Variants in WDR31 observed in about 807,000 individuals in gnomAD.
WDR31 encodes the protein WD repeat domain 31.
In WDR31, 30 loss-of-function variants were observed where a neutral mutation model predicts 47.3. The observed-to-expected ratio is 0.63, with a 90% CI of 0.47 to 0.86. The LOEUF (loss-of-function observed/expected upper bound fraction) is 0.86. WDR31 is among the 40% of genes least tolerant of loss of function. The pLI, the probability that WDR31 is intolerant of heterozygous loss-of-function variation, is 0.00. For missense variants in WDR31, 406 were observed against 442.9 expected (o/e 0.92, Z 0.75); for synonymous variants, 137 against 159.4 (o/e 0.86, Z 1.06).
chr9:113,337,755 C>T (rs1051271354), intron 1 of WDR31, among the ~76,000 whole-genome samples: 2 of 152,076 alleles, frequency 1.3e-5, no homozygotes, highest in Admixed American at 6.6e-5. Flanking sequence ...CATGAGCCAC[C>T]GTGCCCAGCC....
rs144390805 is a variant in WDR31 at position 113,329,771 on chromosome 9, C to T, written c.250-816G>A. Among the ~76,000 whole-genome samples the T allele has an allele frequency of 7.2e-3, 1,076 of 149,502 alleles. 90 individuals are homozygous for T. In the East Asian group the frequency reaches 0.19, roughly 27 times the overall value. On this transcript the variant is annotated intron_variant, in intron 4 of 10. Coordinates refer to ENST00000374193, the MANE Select transcript of WDR31 (RefSeq NM_001012361.4). ...GGCGGATCACCTGAGGTCGGGAGTT[C>T]GAGAGCAGCCTGACCAACATGGAGA... is the stretch of plus-strand genomic sequence containing the variant.
intron 5 of WDR31, among the ~76,000 whole-genome samples, chr9:113,327,310 C>A (rs1323807006): frequency 1.3e-5 from 2 of 152,124 alleles, no homozygotes. Context: ...GGCATATAGG[C>A]CTCACTTTGG....
chr9:113,329,364 G>T (rs1466182475), intron 4 of WDR31, among the ~76,000 whole-genome samples: 2 of 151,992 alleles, frequency 1.3e-5, no homozygotes, highest in Non-Finnish European at 2.9e-5. Flanking sequence ...TTTCAAGCTG[G>T]GCGCAGTGGC....
chr9:113,317,444 C>T (rs1055386690), intron 10 of WDR31, among the ~76,000 whole-genome samples: 18 of 152,222 alleles, frequency 1.2e-4, no homozygotes, highest in African/African-American at 4.1e-4. Flanking sequence ...GTCAACATTT[C>T]CAGATCTCGT....
chr9:113,322,687 G>A (rs1366300450), intron 7 of WDR31, 124 bp downstream of exon 7: 8 of 862,276 alleles, frequency 9.3e-6, no homozygotes, highest in Non-Finnish European at 1.4e-5. Flanking sequence ...AGCAGGTTAG[G>A]GGACAGCAAT....
At chr9:113,336,627 T>A (rs1374788604) in intron 1 of WDR31, among the ~76,000 whole-genome samples, 187 bp from the exon 2 acceptor site, 3 of 152,248 alleles carry the variant, frequency 2.0e-5, no homozygotes, top group African/African-American at 7.2e-5. Context: ...AAAATATATT[T>A]AAATACATTG....
intron 5 of WDR31, among the ~76,000 whole-genome samples, chr9:113,328,211 C>T (rs1406974237): frequency 6.6e-6 from 1 of 152,150 alleles, no homozygotes; most frequent in Admixed American, 6.5e-5. Context: ...CTGCACTCTG[C>T]CAAATATCTG....
chr9:113,324,389 C>CTTTTTTTTTTTT (rs536508042), intron 5 of WDR31, among the ~76,000 whole-genome samples: 24 of 129,100 alleles, frequency 1.9e-4, no homozygotes, highest in African/African-American at 7.2e-4. Flanking sequence ...AATTTCATTC[C>CTTTTTTTTTTTT]TTTTTTTTTT....
chr9:113,322,132 A>C (rs1833338124), intron 7 of WDR31, among the ~76,000 whole-genome samples: 1 of 151,278 alleles, frequency 6.6e-6, no homozygotes, highest in South Asian at 2.1e-4. Context: ...CTAAAAGAAC[A>C]TCTAGTATGG....
chr9:113,320,282 A>T (rs1833296010), intron 9 of WDR31, 75 bp downstream of exon 9: 2 of 1,554,438 alleles, frequency 1.3e-6, no homozygotes, highest in South Asian at 2.4e-5. Context: ...TGTGTAGCAC[A>T]GCTACAGGCA....
At chr9:113,332,440 A>G (rs11788333) in intron 2 of WDR31, among the ~76,000 whole-genome samples, 41,423 of 152,188 alleles carry the variant, frequency 0.27, 6,380 homozygotes, top group Non-Finnish European at 0.35. Context: ...TGGTCAATCC[A>G]CACAATGAAA....
chr9:113,335,849 CTA>C, intron 2 of WDR31, among the ~76,000 whole-genome samples: 1 of 152,158 alleles, frequency 6.6e-6, no homozygotes, highest in East Asian at 1.9e-4. Context: ...TTTTAGTAGA[CTA>C]TGTGTATAAT....
Position 113,316,924 on chromosome 9 carries a change from G to A in WDR31, c.944-15C>T, listed in dbSNP as rs763802079. On this transcript the variant is annotated splice_polypyrimidine_tract_variant and intron_variant, in intron 10 of 10. Transcript: ENST00000374193. ...GAAAAGGCAGGCTGGGGGGGAAAGG[G>A]GGACCAGCAGATTAGGCCAAGAGTG... 5.0e-6 allele frequency: 8 copies of A among 1,612,070 alleles called. No individual in the cohort carries two copies. In the African/African-American group the frequency reaches 8.0e-5, roughly 16 times the overall value.
At chr9:113,329,613 A>C (rs983047230) in intron 4 of WDR31, among the ~76,000 whole-genome samples, 3 of 151,982 alleles carry the variant, frequency 2.0e-5, no homozygotes, top group African/African-American at 7.2e-5. Flanking sequence ...AGATTTTAAG[A>C]CAAAATACTG....
Position 113,331,908 on chromosome 9 carries a change from C to T in WDR31, c.115G>A (p.Gly39Ser), listed in dbSNP as rs763660474. 8.7e-6 allele frequency: 14 copies of T among 1,612,966 alleles called. No individual in the cohort carries two copies. Among genetic ancestry groups the T allele is most frequent in the African/African-American group, 5.3e-5 (4 of 74,880 alleles). ...GCTCCCAGGGGAGGATTGCAGTACCCGTATTTATAAGTGCTGTGTTTGAGT... is the reference window on the plus strand; with the variant it reads ...GCTCCCAGGGGAGGATTGCAGTACCTGTATTTATAAGTGCTGTGTTTGAGT... ...SKLKHSTYKY[G>S]RPDEIIEERI... The change falls in exon 3 of 11, where the codon GGC (glycine) becomes AGC (serine). Residue 39 changes from glycine to serine, a missense_variant and splice_region_variant. By Grantham distance (56) the Gly-to-Ser change is moderately conservative. Transcript: ENST00000374193.
chr9:113,330,775 T>G (rs1588048020), intron 4 of WDR31, among the ~76,000 whole-genome samples: 1 of 152,160 alleles, frequency 6.6e-6, no homozygotes, highest in African/African-American at 2.4e-5. Flanking sequence ...ACTTAACAGA[T>G]AAGACTGAAA....
At chr9:113,335,450 G>T (rs1038908464) in intron 2 of WDR31, among the ~76,000 whole-genome samples, 29 of 152,268 alleles carry the variant, frequency 1.9e-4, no homozygotes, top group African/African-American at 6.3e-4. Flanking sequence ...CTGAGGTTCT[G>T]CCTAAAAGTT....
chr9:113,328,198 C>T (rs1833519172), intron 5 of WDR31, among the ~76,000 whole-genome samples: 1 of 152,212 alleles, frequency 6.6e-6, no homozygotes, highest in South Asian at 2.1e-4. Flanking sequence ...CTTTTAGTGA[C>T]ATCTGCACTC....
At position 113,324,826 on chromosome 9, in the gene WDR31, ATATGTGTGTGTGTGTG is replaced by A. The variant is rs1256378962; in HGVS notation, c.325-1687_325-1672del. ...TTATAAACAATGCTGCTATATATAT[ATATGTGTGTGTGTGTG>A]TGTGTGTGTGTGTGTGTGTGTGTGT... is the stretch of plus-strand genomic sequence containing the variant. On this transcript the variant is annotated intron_variant, in intron 5 of 10. Transcript: ENST00000374193. 1.2e-4 allele frequency among the ~76,000 whole-genome samples: 13 copies of A among 109,372 alleles called. No individual in the cohort carries two copies. In the East Asian group the frequency reaches 2.2e-3, roughly 19 times the overall value. 71.8% of individuals were successfully genotyped at this position (109,372 alleles called of 152,430 possible).
Sources: allele counts gnomAD v4.1 joint callset (sites outside exome capture counted in the v4.1 genomes callset), GRCh38; gene constraint gnomAD v4.1.1; transcripts MANE v1.5; gene names NCBI Gene and HGNC (gene_info 2026-07-23, HGNC 2026-07-21).